Variants in PCNX2 observed in about 807,000 individuals in gnomAD.
PCNX2 encodes pecanex-like protein 2.
A neutral mutation model predicts 223.8 loss-of-function variants in PCNX2; 168 were observed. The observed-to-expected ratio is 0.75, with a 90% CI of 0.66 to 0.85. The LOEUF is 0.85. PCNX2 is among the 40% of genes least tolerant of loss of function. The probability of loss-of-function intolerance (pLI) is 0.00; values close to 1 mark genes in which losing one functional copy is unlikely to be tolerated. For missense variants in PCNX2, 2,507 were observed against 2,675.5 expected, an observed-to-expected ratio of 0.94 and a Z score of 1.39; for synonymous variants, 1,006 against 1,052.6, an observed-to-expected ratio of 0.96 and a Z score of 0.86.
chr1:232,998,234 GC>G lies in PCNX2; in HGVS notation c.5791+16del. The G allele has an allele frequency of 6.6e-7, 1 of 1,515,838 alleles. No individual in the cohort carries two copies. 93.9% of individuals were successfully genotyped at this position (1,515,838 alleles called of 1,614,324 possible). A position where few individuals can be genotyped will look rare whatever the true frequency, so the allele number is the denominator to read the frequency against. On this transcript the variant is annotated intron_variant, in intron 32 of 33. Transcript: ENST00000258229. ...ATAGGACTTCATCGATAGTTTGGAG[GC>G]CCCTGCTGCACCCACCTGTTCTCTG...
the PCNX2 span, among the ~76,000 whole-genome samples, chr1:233,305,159 T>A: frequency 6.6e-6 from 1 of 152,158 alleles, no homozygotes; most frequent in Non-Finnish European, 1.5e-5. Context: ...TAGAACAAGT[T>A]TCTTTATGGT....
At chr1:233,105,422 C>T (rs940299704) in intron 21 of PCNX2, among the ~76,000 whole-genome samples, 2 of 152,190 alleles carry the variant, frequency 1.3e-5, no homozygotes, top group African/African-American at 2.4e-5. Flanking sequence ...GATACCAGAG[C>T]TATGTTGCAA....
At chr1:233,275,121 C>T (rs1260433195) in intron 1 of PCNX2, among the ~76,000 whole-genome samples, 2 of 152,226 alleles carry the variant, frequency 1.3e-5, no homozygotes, top group Non-Finnish European at 2.9e-5. Flanking sequence ...ATTCCCACGG[C>T]TCTTTTGCTA....
intron 10 of PCNX2, among the ~76,000 whole-genome samples, chr1:233,219,488 C>T (rs1469136601): frequency 3.9e-5 from 6 of 151,972 alleles, no homozygotes; most frequent in East Asian, 1.9e-4. Context: ...GTGGGTCATT[C>T]GCAAGGATTC....
At position 233,226,151 on chromosome 1, in the gene PCNX2, C is replaced by T. The variant is rs980010455; in HGVS notation, c.2504+1075G>A. Among the ~76,000 whole-genome samples, 22 of 152,164 alleles carry T rather than the reference C, an allele frequency of 1.4e-4. 1 individual carries two copies. The highest frequency in any genetic ancestry group is 5.1e-4 in the African/African-American group (21 of 41,440). ...TAGCATCTGAAATTTTCAAGCCAAC[C>T]GTGTAGTCAGTGCTACTCAGCCCCT... is the stretch of plus-strand genomic sequence containing the variant. On this transcript the variant is annotated intron_variant, in intron 10 of 33. Transcript: ENST00000258229.
At chr1:233,246,702 C>T (rs958557635) in intron 8 of PCNX2, among the ~76,000 whole-genome samples, 1 of 152,184 alleles carries the variant, frequency 6.6e-6, no homozygotes, top group Non-Finnish European at 1.5e-5. Context: ...TTGGTCCTTC[C>T]ATGGGGCAAA....
chr1:233,049,862 GACAC>G (rs59343612), intron 25 of PCNX2, among the ~76,000 whole-genome samples: 122 of 149,270 alleles, frequency 8.2e-4, no homozygotes, highest in Non-Finnish European at 1.5e-3. Context: ...ATTTACAATA[GACAC>G]ACACACACAC....
chr1:233,126,711 A>C lies in PCNX2; in HGVS notation c.3837+8302T>G, dbSNP rs1374297859. 6.6e-6 allele frequency among the ~76,000 whole-genome samples: 1 copy of C among 152,198 alleles called. No individual in the cohort carries two copies. The highest frequency in any genetic ancestry group is 2.4e-5 in the African/African-American group (1 of 41,454). ...AATATATTTAGGTATTACTTAAGTA[A>C]ATTTAAAAAATTATTATAAAATGAG... On this transcript the variant is annotated intron_variant, in intron 21 of 33. Coordinates refer to ENST00000258229, the MANE Select transcript of PCNX2 (RefSeq NM_014801.4). This position sits in a 1 kb window ranked among gnomAD's most constrained non-coding sequence, Gnocchi z 4.8.
At chr1:233,182,653 C>T (rs961354488) in intron 15 of PCNX2, among the ~76,000 whole-genome samples, 2 of 152,122 alleles carry the variant, frequency 1.3e-5, no homozygotes, top group East Asian at 1.9e-4. Context: ...CAGCAAAACC[C>T]GAAAGAGGAA....
At chr1:233,075,740 A>ACACACACACACAC (rs1558208132) in intron 23 of PCNX2, among the ~76,000 whole-genome samples, 1 of 122,370 alleles carries the variant, frequency 8.2e-6, no homozygotes, top group African/African-American at 3.9e-5. Context: ...CACACACACA[A>ACACACACACACAC]CAGAAAAGAA....
At chr1:233,231,126 ATTAGG>A (rs1658035424) in intron 9 of PCNX2, among the ~76,000 whole-genome samples, 6 of 152,272 alleles carry the variant, frequency 3.9e-5, no homozygotes, top group Admixed American at 2.0e-4. Context: ...AAGGTCCTAG[ATTAGG>A]AAGAGATTTG....
Position 233,054,126 on chromosome 1 carries a change from T to A in PCNX2, c.4351+142A>T, listed in dbSNP as rs1672104915. 1.3e-5 allele frequency: 9 copies of A among 680,060 alleles called. No individual in the cohort carries two copies. In the East Asian group the frequency reaches 2.4e-4, roughly 18 times the overall value. The allele number at this position is 680,060 out of a possible 1,614,324, so 42.1% of individuals were successfully genotyped here. On this transcript the variant is annotated intron_variant, in intron 25 of 33. Transcript: ENST00000258229. ...TTCAGATGACTGTAGTTTATTTATA[T>A]CAAGGTAGTGGTGGCAAGCTCACTT... is the stretch of plus-strand genomic sequence containing the variant.
intron 17 of PCNX2, among the ~76,000 whole-genome samples, chr1:233,169,489 G>A (rs10910667): frequency 0.15 from 22,877 of 150,374 alleles, 2,568 homozygotes; most frequent in East Asian, 0.35. Flanking sequence ...TACTAAAAAT[G>A]CAAAAATTAG....
At chr1:233,261,999 A>G (rs1200530499) in intron 3 of PCNX2, 46 bp downstream of exon 3, 1 of 1,609,946 alleles carries the variant, frequency 6.2e-7, no homozygotes, top group Non-Finnish European at 8.5e-7. Context: ...TGAGATCAAC[A>G]TCGAAATCAC....
intron 8 of PCNX2, among the ~76,000 whole-genome samples, chr1:233,245,468 G>A (rs1313179217): frequency 6.6e-6 from 1 of 152,182 alleles, no homozygotes; most frequent in African/African-American, 2.4e-5. Context: ...AATCACCTAG[G>A]GGCATCTGGA....
intron 25 of PCNX2, among the ~76,000 whole-genome samples, chr1:233,030,115 G>T (rs1671214530): frequency 6.6e-6 from 1 of 152,116 alleles, no homozygotes; most frequent in Non-Finnish European, 1.5e-5. Context: ...TTGGGTCTCT[G>T]TAAGTTTTCT....
At chr1:233,093,046 T>G (rs531298124) in intron 22 of PCNX2, among the ~76,000 whole-genome samples, 66 of 152,182 alleles carry the variant, frequency 4.3e-4, no homozygotes, top group South Asian at 1.0e-3. Flanking sequence ...TGATCTGCCC[T>G]CCTTGGCCTC....
At chr1:233,211,710 A>G in intron 12 of PCNX2, 1 of 920,120 alleles carries the variant, frequency 1.1e-6, no homozygotes, top group Non-Finnish European at 1.3e-6. Context: ...AACCATGGGG[A>G]GGCATGCATG....
At chr1:233,049,226 C>T (rs971052093) in intron 25 of PCNX2, among the ~76,000 whole-genome samples, 3 of 152,010 alleles carry the variant, frequency 2.0e-5, no homozygotes, top group African/African-American at 4.8e-5. Context: ...AATATAGATA[C>T]AAAAATCTTC....
Sources: allele counts gnomAD v4.1 joint callset (sites outside exome capture counted in the v4.1 genomes callset), GRCh38; gene constraint gnomAD v4.1.1; non-coding constraint Gnocchi (gnomAD v3.1); transcripts MANE v1.5; gene names NCBI Gene and HGNC (gene_info 2026-07-23, HGNC 2026-07-21).